The following GFOD1 variants were observed in gnomAD, a reference collection of about 807,000 sequenced individuals.
The protein encoded by GFOD1 is Gfo/Idh/MocA-like oxidoreductase domain containing 1.
Under a neutral mutation model 25.4 loss-of-function variants are expected in GFOD1, and 9 were observed. The observed-to-expected ratio is 0.35, with a 90% CI of 0.21 to 0.62. GFOD1 has a LOEUF of 0.62. GFOD1 is among the 20% of genes least tolerant of loss of function. The pLI, the probability that GFOD1 is intolerant of heterozygous loss-of-function variation, is 0.72. For synonymous variants in GFOD1, 253 were observed against 245.6 expected (o/e 1.03, Z -0.28); for missense variants, 403 against 556.9 (o/e 0.72, Z 2.78).
At chr6:13,409,166 G>GAAAGAAAGAAA (rs1382880663) in intron 1 of GFOD1, among the ~76,000 whole-genome samples, 3 of 8,516 alleles carry the variant, frequency 3.5e-4, no homozygotes, top group African/African-American at 4.1e-4. Flanking sequence ...AAGAAAGAAA[G>GAAAGAAAGAAA]GAAAGAGAGA....
At chr6:13,473,931 T>G (rs1758561789) in intron 1 of GFOD1, among the ~76,000 whole-genome samples, 2 of 152,200 alleles carry the variant, frequency 1.3e-5, no homozygotes, top group Non-Finnish European at 2.9e-5. Context: ...TTATCTCTGA[T>G]GTCAAGCTCA....
rs1257775482 is a variant in GFOD1 at position 13,365,722 on chromosome 6, T to G, written c.254-60A>C. On this transcript the variant is annotated intron_variant, in intron 1 of 1. Transcript: ENST00000379287. The surrounding 1 kb of genome is among the most constrained non-coding windows in gnomAD (Gnocchi z 9.2). ...AGGACCATGTCCGAGCGCGCGTCCC[T>G]GGGTCAGATCTTAAAATATTTCACA... 5 of 1,177,876 alleles carry G rather than the reference T, an allele frequency of 4.2e-6. No individual in the cohort carries two copies. The highest frequency in any genetic ancestry group is 6.1e-6 in the Non-Finnish European group (5 of 816,342). The allele number at this position is 1,177,876 out of a possible 1,614,324, so 73.0% of individuals were successfully genotyped here. A position where few individuals can be genotyped will look rare whatever the true frequency, so the allele number is the denominator to read the frequency against.
chr6:13,382,931 G>A (rs1177918864), intron 1 of GFOD1, among the ~76,000 whole-genome samples: 3 of 152,084 alleles, frequency 2.0e-5, no homozygotes, highest in Non-Finnish European at 4.4e-5. Flanking sequence ...TTGGTTTTCT[G>A]TTCCTGTGTT....
At chr6:13,374,305 G>GT (rs1785212825) in intron 1 of GFOD1, among the ~76,000 whole-genome samples, 1 of 147,238 alleles carries the variant, frequency 6.8e-6, no homozygotes, top group African/African-American at 2.6e-5. Flanking sequence ...GTGTGTGTGT[G>GT]TTTGTTTTTT....
chr6:13,469,315 C>A, intron 1 of GFOD1: 2 of 984,658 alleles, frequency 2.0e-6, no homozygotes, highest in Non-Finnish European at 2.4e-6. Flanking sequence ...TTAGCCTCTT[C>A]AAAAATAAGT....
chr6:13,462,596 TC>T lies in GFOD1; in HGVS notation c.253+24041del, dbSNP rs1304146094. Among the ~76,000 whole-genome samples, 3 of 152,310 alleles carry T rather than the reference TC, an allele frequency of 2.0e-5. No individual in the cohort carries two copies. In the East Asian group the frequency reaches 5.8e-4, roughly 29 times the overall value. ...CCACCTCCTCTGTCAAGGTTGACTA[TC>T]ATTACTTTTCTTCTTGCTGACAGTG... On this transcript the variant is annotated intron_variant, in intron 1 of 1. Coordinates refer to ENST00000379287, the MANE Select transcript of GFOD1 (RefSeq NM_018988.4).
intron 1 of GFOD1, among the ~76,000 whole-genome samples, chr6:13,409,215 G>GAAGGAA (rs1562209633): frequency 2.9e-5 from 1 of 34,106 alleles, no homozygotes; most frequent in Non-Finnish European, 2.0e-4. Context: ...AAGAAGGAAA[G>GAAGGAA]AGAGAGAGAG....
chr6:13,422,081 T>G (rs1329524551), intron 1 of GFOD1, among the ~76,000 whole-genome samples: 1 of 152,074 alleles, frequency 6.6e-6, no homozygotes, highest in Non-Finnish European at 1.5e-5. Flanking sequence ...TTTTTCACCT[T>G]CATTCACACA....
chr6:13,432,299 G>C (rs528226012), intron 1 of GFOD1, among the ~76,000 whole-genome samples: 1 of 149,520 alleles, frequency 6.7e-6, no homozygotes, highest in African/African-American at 2.5e-5. Flanking sequence ...CTGCAGCCTC[G>C]ACCTCTTGGG....
intron 1 of GFOD1, among the ~76,000 whole-genome samples, chr6:13,444,358 A>G (rs6911146): frequency 0.99 from 149,587 of 151,496 alleles, 73,884 homozygotes; most frequent in Middle Eastern, 1. Context: ...GGGTCTCCTT[A>G]CGGGTGGAGG....
At position 13,420,061 on chromosome 6, in the gene GFOD1, C is replaced by G. The variant is rs1384615705; in HGVS notation, c.254-54399G>C. Among the ~76,000 whole-genome samples the G allele has an allele frequency of 3.3e-5, 5 of 152,346 alleles. No homozygotes were observed. In the East Asian group the frequency reaches 9.6e-4, roughly 29 times the overall value. On this transcript the variant is annotated intron_variant, in intron 1 of 1. Coordinates refer to ENST00000379287, the MANE Select transcript of GFOD1 (RefSeq NM_018988.4). ...GGTCTGCCTGTTCACTGCCCTGTCT[C>G]CCTCTGGTGTCTGAGACAATGGCCA...
chr6:13,389,071 C>T (rs1027719062), intron 1 of GFOD1, among the ~76,000 whole-genome samples: 1 of 152,224 alleles, frequency 6.6e-6, no homozygotes, highest in Non-Finnish European at 1.5e-5. Context: ...GAGATACCAT[C>T]TCACACCAGT....
intron 1 of GFOD1, among the ~76,000 whole-genome samples, chr6:13,452,692 G>A (rs1758120597): frequency 6.6e-6 from 1 of 152,196 alleles, no homozygotes; most frequent in South Asian, 2.1e-4. Context: ...TCTGTGACTT[G>A]TAAGCAAAGC....
chr6:13,463,787 T>C (rs1384197611), intron 1 of GFOD1, among the ~76,000 whole-genome samples: 1 of 152,210 alleles, frequency 6.6e-6, no homozygotes, highest in Non-Finnish European at 1.5e-5. Flanking sequence ...TGATACAGTA[T>C]ATATATGCTA....
At chr6:13,476,719 C>T (rs767469053) in intron 1 of GFOD1, among the ~76,000 whole-genome samples, 1 of 152,154 alleles carries the variant, frequency 6.6e-6, no homozygotes, top group Non-Finnish European at 1.5e-5. Flanking sequence ...TCTTAATACT[C>T]TAAAGGCTAT....
intron 1 of GFOD1, among the ~76,000 whole-genome samples, chr6:13,397,839 T>C (rs1256830138): frequency 1.3e-5 from 2 of 152,236 alleles, no homozygotes; most frequent in Non-Finnish European, 2.9e-5. Context: ...AAATGAAACA[T>C]ATTTTATATG....
intron 1 of GFOD1, among the ~76,000 whole-genome samples, chr6:13,461,863 G>A (rs2560754): frequency 0.47 from 72,165 of 152,038 alleles, 20,338 homozygotes; most frequent in Middle Eastern, 0.65. Flanking sequence ...TCAGAGTGAT[G>A]GGCACCAAGA....
intron 1 of GFOD1, chr6:13,469,785 C>T: frequency 8.8e-7 from 1 of 1,140,492 alleles, no homozygotes; most frequent in Non-Finnish European, 1.1e-6. Flanking sequence ...AACCTCTCTA[C>T]AGTGAAATTT....
chr6:13,471,797 T>G lies in GFOD1; in HGVS notation c.253+14841A>C, dbSNP rs368853691. Among the ~76,000 whole-genome samples the G allele has an allele frequency of 6.9e-4, 105 of 152,358 alleles. 1 individual carries two copies. The highest frequency in any genetic ancestry group is 2.3e-3 in the African/African-American group (95 of 41,578). The stretch of plus-strand genomic sequence containing the variant: ...CCATTAATGCTGTCCAGTAGAACTT[T>G]CTGCAATGATGGATATATTCTATGT... On this transcript the variant is annotated intron_variant, in intron 1 of 1. Coordinates refer to ENST00000379287, the MANE Select transcript of GFOD1 (RefSeq NM_018988.4).
Sources: allele counts gnomAD v4.1 joint callset (sites outside exome capture counted in the v4.1 genomes callset), GRCh38; gene constraint gnomAD v4.1.1; non-coding constraint Gnocchi (gnomAD v3.1); transcripts MANE v1.5; gene names NCBI Gene and HGNC (gene_info 2026-07-23, HGNC 2026-07-21).